MTCL1: variants seen among roughly 807,000 people sequenced by gnomAD.
MTCL1 encodes the protein microtubule cross-linking factor 1.
In MTCL1, 79 loss-of-function variants were observed where a neutral mutation model predicts 141.4. That is an observed-to-expected ratio of 0.56 (90% confidence interval 0.47 to 0.67). The LOEUF (loss-of-function observed/expected upper bound fraction) is 0.67, where lower values mean the gene tolerates loss of function less well. Ranked by LOEUF, MTCL1 falls within the 30% of genes least tolerant of loss-of-function variation. The pLI is 0.00. For synonymous variants in MTCL1, 914 were observed against 875.8 expected, an observed-to-expected ratio of 1.04 and a Z score of -0.77; for missense variants, 2,177 against 2,113.9, an observed-to-expected ratio of 1.03 and a Z score of -0.59.
chr18:8,821,590 C>T (rs2076848101), intron 14 of MTCL1, 92 bp downstream of exon 13: 1 of 633,804 alleles, frequency 1.6e-6, no homozygotes, highest in South Asian at 2.0e-5. Context: ...TTTTACCACT[C>T]TCTTCAAAAT....
chr18:8,810,838 G>A lies in MTCL1; in HGVS notation c.2605-2141G>A, dbSNP rs957068806. ...GAAGCGTCACCACTGACCTGTGCCC[G>A]TGGCTGTCATCTGCTTCCTCAAGCC... On this transcript the variant is annotated intron_variant, in intron 11 of 16. Transcript: ENST00000359865. This position sits in a 1 kb window ranked among gnomAD's most constrained non-coding sequence, Gnocchi z 5.0. 6.6e-6 allele frequency among the ~76,000 whole-genome samples: 1 copy of A among 152,140 alleles called. No homozygotes were observed. Among genetic ancestry groups the A allele is most frequent in the African/African-American group, 2.4e-5 (1 of 41,422 alleles).
At chr18:8,791,305 AC>A (rs2075718027) in intron 7 of MTCL1, among the ~76,000 whole-genome samples, 1 of 152,084 alleles carries the variant, frequency 6.6e-6, no homozygotes, top group African/African-American at 2.4e-5. Flanking sequence ...AGCTGGCCTC[AC>A]CCAAGGTCAG....
intron 7 of MTCL1, 40 bp downstream of exon 6, chr18:8,786,131 C>CCCCCCCCT: frequency 6.6e-7 from 1 of 1,520,140 alleles, no homozygotes; most frequent in Non-Finnish European, 8.9e-7. Context: ...CGCCCTCCCC[C>CCCCCCCCT]TCCTTTTTCT....
In MTCL1 at chr18:8,706,728, G is replaced by A. The variant is rs1420315625; in HGVS notation, c.1053+15G>A. 4 of 1,543,984 alleles carry A rather than the reference G, an allele frequency of 2.6e-6. No homozygotes were observed. Among genetic ancestry groups the A allele is most frequent in the Non-Finnish European group, 3.5e-6 (4 of 1,145,802 alleles). The stretch of plus-strand genomic sequence containing the variant: ...ACTATCTCAAGGTGAGCCGCGCCTC[G>A]GCCGCAGGTGTCCCGGGGCGCCCCC... On this transcript the variant is annotated intron_variant, in intron 1 of 13. Transcript: ENST00000306329.
chr18:8,825,720 G>A lies in MTCL1; in HGVS notation c.4210G>A (p.Asp1404Asn), dbSNP rs371275636. The A allele has an allele frequency of 5.4e-5, 87 of 1,613,964 alleles. No individual in the cohort carries two copies. Among genetic ancestry groups the A allele is most frequent in the Middle Eastern group, 1.6e-4 (1 of 6,080 alleles). ...GCAGAGGAAGCCCCTCCCCAAAGCC[G>A]ACCAGCCAAATAACAGGACGTCACC... is the stretch of plus-strand genomic sequence containing the variant. The change falls in exon 15 of 17, where the codon GAC (aspartate) becomes AAC (asparagine). Residue 1404 changes from aspartate (D) to asparagine (N), a missense_variant. By Grantham distance (23) the Asp-to-Asn change is conservative. Coordinates refer to ENST00000359865, the Ensembl canonical transcript of MTCL1.
At position 8,830,816 on chromosome 18, in the gene MTCL1, G is replaced by T; in HGVS notation, c.*19-791G>T. On this transcript the variant is annotated intron_variant, in intron 16 of 16. Coordinates refer to ENST00000359865, the Ensembl canonical transcript of MTCL1. This position sits in a 1 kb window ranked among gnomAD's most constrained non-coding sequence, Gnocchi z 6.4. Reference sequence around the variant, plus strand: ...GTGTCCTGGTTTTGTAACATGTAAGGACAAGGAGCTCAACATTCTTTAAAA... The same window carrying T: ...GTGTCCTGGTTTTGTAACATGTAAGTACAAGGAGCTCAACATTCTTTAAAA... 1 of 985,438 alleles carries T rather than the reference G, an allele frequency of 1.0e-6. No homozygotes were observed. Among genetic ancestry groups the T allele is most frequent in the Non-Finnish European group, 1.2e-6 (1 of 829,944 alleles). 61.0% of individuals were successfully genotyped at this position (985,438 alleles called of 1,614,324 possible). A position where few individuals can be genotyped will look rare whatever the true frequency, so the allele number is the denominator to read the frequency against.
rs1351803895 is a variant in MTCL1, at chr18:8,822,994, A to G, written c.3188+1496A>G. 6.6e-6 allele frequency among the ~76,000 whole-genome samples: 1 copy of G among 151,722 alleles called. No individual in the cohort carries two copies. The highest frequency in any genetic ancestry group is 2.4e-5 in the African/African-American group (1 of 41,292). The stretch of plus-strand genomic sequence containing the variant: ...AACCGAGATTGCGCCACTGCACTAC[A>G]TCCTGGGCGACAGAGTAAGACTCCG... On this transcript the variant is annotated intron_variant, in intron 14 of 16. Coordinates refer to ENST00000359865, the Ensembl canonical transcript of MTCL1. The surrounding 1 kb of genome is among the most constrained non-coding windows in gnomAD (Gnocchi z 4.6).
chr18:8,790,654 T>C (rs1489725561), intron 7 of MTCL1, among the ~76,000 whole-genome samples: 1 of 152,218 alleles, frequency 6.6e-6, no homozygotes, highest in Non-Finnish European at 1.5e-5. Context: ...AAGTATCCTC[T>C]TAAATACATC....
At chr18:8,745,855 A>C (rs936773601) in intron 4 of MTCL1, among the ~76,000 whole-genome samples, 1 of 152,184 alleles carries the variant, frequency 6.6e-6, no homozygotes, top group Non-Finnish European at 1.5e-5. Flanking sequence ...CATCTTGCAG[A>C]AGTGAAACTC....
chr18:8,801,663 G>A (rs2076128505), intron 10 of MTCL1: 1 of 152,240 alleles, frequency 6.6e-6, no homozygotes, highest in African/African-American at 2.4e-5. Flanking sequence ...CTTCCAAAGT[G>A]CGTAACTAAG....
At chr18:8,824,985 A>G (rs2076969437) in exon 15 of MTCL1, 1 of 1,613,382 alleles carries the variant, frequency 6.2e-7, no homozygotes, top group Non-Finnish European at 8.5e-7. Context: ...GTACCTAACC[A>G]CAAGTGTCAC....
In MTCL1 at chr18:8,822,955, C is replaced by T. The variant is rs1313689854; in HGVS notation, c.3188+1457C>T. 3.3e-5 allele frequency among the ~76,000 whole-genome samples: 5 copies of T among 151,566 alleles called. No individual in the cohort carries two copies. Among genetic ancestry groups the T allele is most frequent in the Non-Finnish European group, 5.9e-5 (4 of 67,960 alleles). ...AGGAAAATTGACCGAACCCGGGAGG[C>T]GGAGGTTGCAGTGAACCGAGATTGC... is the stretch of plus-strand genomic sequence containing the variant. On this transcript the variant is annotated intron_variant, in intron 14 of 16. Transcript: ENST00000359865. This position sits in a 1 kb window ranked among gnomAD's most constrained non-coding sequence, Gnocchi z 4.6.
intron 1 of MTCL1, among the ~76,000 whole-genome samples, chr18:8,708,844 C>T (rs115737742): frequency 2.0e-5 from 3 of 152,150 alleles, no homozygotes; most frequent in African/African-American, 7.2e-5. Flanking sequence ...CACTTGCATC[C>T]GTTTACTCTG....
intron 7 of MTCL1, among the ~76,000 whole-genome samples, chr18:8,791,182 A>G (rs570931102): frequency 6.6e-6 from 1 of 152,248 alleles, no homozygotes; most frequent in South Asian, 2.1e-4. Flanking sequence ...AAAGAAAGGA[A>G]ATGAATGAAC....
At chr18:8,781,090 C>T (rs918098839) in intron 5 of MTCL1, among the ~76,000 whole-genome samples, 4 of 141,410 alleles carry the variant, frequency 2.8e-5, no homozygotes, top group African/African-American at 1.0e-4. Context: ...AGGAGAATTG[C>T]TTGAACCTAG....
intron 15 of MTCL1, among the ~76,000 whole-genome samples, chr18:8,827,463 A>T (rs1245821639): frequency 6.6e-6 from 1 of 152,234 alleles, no homozygotes; most frequent in African/African-American, 2.4e-5. Flanking sequence ...ACAAATATTG[A>T]TACTACATGG....
intron 4 of MTCL1, among the ~76,000 whole-genome samples, chr18:8,751,224 T>C (rs963290839): frequency 1.3e-5 from 2 of 152,228 alleles, no homozygotes; most frequent in Non-Finnish European, 2.9e-5. Flanking sequence ...TGGATGTTTA[T>C]GTAGAATTTT....
chr18:8,785,081 AT>A (rs1321995053), intron 6 of MTCL1, among the ~76,000 whole-genome samples: 19 of 117,754 alleles, frequency 1.6e-4, no homozygotes, highest in Non-Finnish European at 2.9e-4. Context: ...CTCCTGTCTT[AT>A]TTTTAACTGC....
rs2149042881 is a variant in MTCL1 at position 8,769,561 on chromosome 18, C to T, written c.358-8272C>T. On this transcript the variant is annotated intron_variant, in intron 4 of 16. Transcript: ENST00000359865. ...AAAATGAGCCAACCAGCTCATATTG[C>T]AAAGCAAATGTATGTCATGTTCCCG... 1.3e-5 allele frequency among the ~76,000 whole-genome samples: 2 copies of T among 152,262 alleles called. 1 individual carries two copies.
Sources: gnomAD v4.1 joint callset for allele counts (sites outside exome capture counted in the v4.1 genomes callset) on GRCh38, gnomAD v4.1.1 for gene constraint, Gnocchi (gnomAD v3.1) non-coding constraint, MANE v1.5 for transcripts, NCBI Gene and HGNC (gene_info 2026-07-23, HGNC 2026-07-21) for gene names.